Variants in NIBAN1 observed in about 807,000 individuals in gnomAD.
The protein encoded by NIBAN1 is niban apoptosis regulator 1.
Under a neutral mutation model 75.1 loss-of-function variants are expected in NIBAN1, and 81 were observed. That is an observed-to-expected ratio of 1.08 (90% CI 0.90 to 1.30). NIBAN1 has a LOEUF of 1.30. Among genes scored for constraint, NIBAN1 ranks in the 50% most tolerant of loss-of-function variants. NIBAN1 has a pLI of 0.00. For missense variants in NIBAN1, 1,133 were observed against 1,128.1 expected (o/e 1.00, Z -0.06); for synonymous variants, 436 against 424.8 (o/e 1.03, Z -0.32).
At chr1:184,910,853 A>G (rs1657222892) in intron 1 of NIBAN1, among the ~76,000 whole-genome samples, 1 of 151,988 alleles carries the variant, frequency 6.6e-6, no homozygotes, top group Non-Finnish European at 1.5e-5. Context: ...GTAAGACGAA[A>G]TTTTCTCCTG....
intron 1 of NIBAN1, among the ~76,000 whole-genome samples, chr1:184,921,297 C>CA (rs879844275): frequency 1.1e-4 from 16 of 148,794 alleles, no homozygotes; most frequent in African/African-American, 2.7e-4. Flanking sequence ...AACTCTGTCT[C>CA]AAAAAAAAAA....
intron 1 of NIBAN1, among the ~76,000 whole-genome samples, chr1:184,970,141 G>A (rs961067159): frequency 6.9e-6 from 1 of 144,748 alleles, no homozygotes; most frequent in African/African-American, 2.6e-5. Flanking sequence ...CTGCACTCTA[G>A]TCTGGGTGAC....
At chr1:184,887,466 A>G (rs1656556534) in intron 4 of NIBAN1, among the ~76,000 whole-genome samples, 1 of 152,214 alleles carries the variant, frequency 6.6e-6, no homozygotes, top group African/African-American at 2.4e-5. Flanking sequence ...GTGAGCCCAC[A>G]GCTACTAAGA....
chr1:184,805,867 T>A, intron 11 of NIBAN1, 79 bp downstream of exon 11: 1 of 1,104,592 alleles, frequency 9.1e-7, no homozygotes, highest in East Asian at 2.4e-5. Flanking sequence ...AGGAGAGAAC[T>A]TGGTATTTTC....
At chr1:184,874,417 T>C (rs1571537771) in intron 5 of NIBAN1, among the ~76,000 whole-genome samples, 1 of 152,232 alleles carries the variant, frequency 6.6e-6, no homozygotes, top group East Asian at 1.9e-4. Flanking sequence ...TAAACATCTC[T>C]TAAATGATAC....
intron 2 of NIBAN1, among the ~76,000 whole-genome samples, chr1:184,898,690 TA>T (rs1383335693): frequency 6.6e-6 from 1 of 152,230 alleles, no homozygotes; most frequent in Non-Finnish European, 1.5e-5. Context: ...TTAATTTGTT[TA>T]TTACCCGTTT....
At chr1:184,804,199 A>G (rs1216009407) in intron 11 of NIBAN1, among the ~76,000 whole-genome samples, 1 of 152,242 alleles carries the variant, frequency 6.6e-6, no homozygotes, top group Non-Finnish European at 1.5e-5. Context: ...TCTGCATTGG[A>G]CATCCCAACA....
At chr1:184,942,877 G>C (rs950728215) in intron 1 of NIBAN1, among the ~76,000 whole-genome samples, 4 of 152,034 alleles carry the variant, frequency 2.6e-5, no homozygotes, top group African/African-American at 9.7e-5. Flanking sequence ...ATGAGAAAAG[G>C]GACCTCCAAG....
intron 1 of NIBAN1, among the ~76,000 whole-genome samples, chr1:184,902,250 G>C (rs1231906734): frequency 6.6e-6 from 1 of 152,004 alleles, no homozygotes; most frequent in Admixed American, 6.6e-5. Context: ...AAAAAAAATA[G>C]TCTGATGTTG....
chr1:184,911,766 T>A (rs1657247099), intron 1 of NIBAN1, among the ~76,000 whole-genome samples: 1 of 152,222 alleles, frequency 6.6e-6, no homozygotes, highest in African/African-American at 2.4e-5. Flanking sequence ...AGAGATGAGA[T>A]ACATTGAGTT....
intron 1 of NIBAN1, among the ~76,000 whole-genome samples, chr1:184,903,895 CTTA>C: frequency 6.6e-6 from 1 of 151,210 alleles, no homozygotes; most frequent in Non-Finnish European, 1.5e-5. Flanking sequence ...TGCCACCACA[CTTA>C]TTATTTTTTT....
In NIBAN1 at chr1:184,795,562, C is replaced by G; in HGVS notation, c.2202G>C (p.Thr734=). ...CTTGGGGAACGTGGCTCTCCCCATT[C>G]GTATCTTCTTCCATCACTGGAGCAG... is the stretch of plus-strand genomic sequence containing the variant. ...VDSAPVMEED[T]NGESHVPQEN... Residue 734 remains threonine, a synonymous_variant, in exon 14 of 14, where the codon ACG becomes ACC. Transcript: ENST00000367511. 7 of 1,614,176 alleles carry G rather than the reference C, an allele frequency of 4.3e-6. No individual in the cohort carries two copies. The highest frequency in any genetic ancestry group is 5.1e-6 in the Non-Finnish European group (6 of 1,180,046).
At chr1:184,946,890 A>G (rs1218433968) in intron 1 of NIBAN1, among the ~76,000 whole-genome samples, 1 of 152,062 alleles carries the variant, frequency 6.6e-6, no homozygotes, top group East Asian at 1.9e-4. Flanking sequence ...CCTGACCAAC[A>G]TGGAGAAACC....
chr1:184,823,620 A>G lies in NIBAN1; in HGVS notation c.822+18T>C. On this transcript the variant is annotated intron_variant, in intron 7 of 13. Transcript: ENST00000367511. ...CCCATTTTGAGTAGCTCAGTTGTAG[A>G]GCAAAACCATTGCTTACACCAAGCC... 1 of 1,612,614 alleles carries G rather than the reference A, an allele frequency of 6.2e-7. No individual in the cohort carries two copies. The highest frequency in any genetic ancestry group is 8.5e-7 in the Non-Finnish European group (1 of 1,178,614).
chr1:184,837,760 C>G (rs1208742129), intron 5 of NIBAN1, among the ~76,000 whole-genome samples: 1 of 152,110 alleles, frequency 6.6e-6, no homozygotes, highest in South Asian at 2.1e-4. Context: ...TCCATGGACT[C>G]TCTCTCCCAT....
chr1:184,897,006 G>T (rs972000379), intron 2 of NIBAN1, among the ~76,000 whole-genome samples: 2 of 152,040 alleles, frequency 1.3e-5, no homozygotes, highest in African/African-American at 4.8e-5. Flanking sequence ...CCTTGCTTGG[G>T]CGTGCTTTGG....
Position 184,795,339 on chromosome 1 carries a change from C to T in NIBAN1, c.2425G>A (p.Gly809Arg), listed in dbSNP as rs1371361154. Residue 809 changes from glycine (G) to arginine (R), a missense_variant, in exon 14 of 14, where the codon GGG (glycine) becomes AGG (arginine). Physicochemically the swap from Gly to Arg is moderately radical, Grantham distance 125 (BLOSUM62 -2). Transcript: ENST00000367511. ...CCTGGGAGCTCCCCCTCCATGGGCCCCAGGGGCTCCTCGGTGAGCCCTCCA... is the reference window on the plus strand; with the variant it reads ...CCTGGGAGCTCCCCCTCCATGGGCCTCAGGGGCTCCTCGGTGAGCCCTCCA... ...ASGGLTEEPL[G>R]PMEGELPGEA... is the part of the protein sequence containing the mutation. 3 of 1,610,416 alleles carry T rather than the reference C, an allele frequency of 1.9e-6. No homozygotes were observed. In the African/African-American group the frequency reaches 4.0e-5, roughly 22 times the overall value.
chr1:184,835,922 C>A (rs370587562), intron 5 of NIBAN1, among the ~76,000 whole-genome samples: 3,298 of 152,078 alleles, frequency 0.022, 87 homozygotes, highest in East Asian at 0.075. Context: ...GTCTTGTGCC[C>A]GTTTTCAAAG....
intron 5 of NIBAN1, among the ~76,000 whole-genome samples, chr1:184,873,622 A>G (rs1571537197): frequency 6.6e-6 from 1 of 152,110 alleles, no homozygotes; most frequent in Non-Finnish European, 1.5e-5. Context: ...TTTTCCCACA[A>G]TTTTGCACTC....
Sources: gnomAD v4.1 joint callset for allele counts (sites outside exome capture counted in the v4.1 genomes callset) on GRCh38, gnomAD v4.1.1 for gene constraint, MANE v1.5 for transcripts, NCBI Gene and HGNC (gene_info 2026-07-23, HGNC 2026-07-21) for gene names.